Variants in MADD observed in about 807,000 individuals in gnomAD.
The protein encoded by MADD is MAP kinase-activating death domain protein.
MADD carries 109 observed loss-of-function variants against 176.7 expected under a neutral mutation model. The observed-to-expected ratio is 0.62, with a 90% CI of 0.53 to 0.72. The LOEUF (loss-of-function observed/expected upper bound fraction) is 0.72, where lower values mean the gene tolerates loss of function less well. Among genes scored for constraint, MADD ranks in the 30% least tolerant of loss-of-function variants. The pLI is 0.00. For missense variants in MADD, 1,914 were observed against 2,045.5 expected (o/e 0.94, Z 1.24); for synonymous variants, 771 against 771.3 (o/e 1.00, Z 0.01).
intron 20 of MADD, among the ~76,000 whole-genome samples, chr11:47,294,342 C>A (rs1167965044): frequency 7.2e-6 from 1 of 139,066 alleles, no homozygotes; most frequent in South Asian, 2.3e-4. Flanking sequence ...AGGTGAAACT[C>A]CATCTCAAAA....
chr11:47,278,659 C>T (rs2052995866), intron 6 of MADD, among the ~76,000 whole-genome samples: 1 of 151,932 alleles, frequency 6.6e-6, no homozygotes, highest in Admixed American at 6.6e-5. Flanking sequence ...ATTATATGAC[C>T]ATTCTGCAAT....
At chr11:47,299,870 G>T (rs1454571976) in intron 22 of MADD, among the ~76,000 whole-genome samples, 1 of 152,078 alleles carries the variant, frequency 6.6e-6, no homozygotes, top group African/African-American at 2.4e-5. Context: ...GTCCAAGTTG[G>T]ATGCCCTTTA....
chr11:47,290,343 C>T (rs754253220), intron 18 of MADD, 44 bp downstream of exon 19: 20 of 1,597,264 alleles, frequency 1.3e-5, no homozygotes, highest in Admixed American at 3.4e-5. Context: ...CCTAACTCTG[C>T]CACTTGTCTC....
At chr11:47,294,669 C>CAAAA (rs58253961) in intron 20 of MADD, among the ~76,000 whole-genome samples, 1 of 56,010 alleles carries the variant, frequency 1.8e-5, no homozygotes, top group Middle Eastern at 0.011. Flanking sequence ...GACTCCGTCT[C>CAAAA]AAAAAAAAAA....
chr11:47,290,146 C>CA lies in MADD; in HGVS notation c.2944-2dup. 1 of 1,613,852 alleles carries CA rather than the reference C, an allele frequency of 6.2e-7. No homozygotes were observed. The highest frequency in any genetic ancestry group is 2.2e-5 in the East Asian group (1 of 44,860). ...AACGCTAGCCCCTGGGTTATTGTTG[C>CA]AGGAGATCAGTCGGAAGGTGTACAA... On this transcript the variant is annotated splice_region_variant and splice_polypyrimidine_tract_variant and intron_variant, in intron 17 of 32. Transcript: ENST00000402192.
rs986593369 is a variant in MADD at position 47,299,654 on chromosome 11, C to T, written c.3642+3599C>T. Among the ~76,000 whole-genome samples, 14 of 140,950 alleles carry T rather than the reference C, an allele frequency of 9.9e-5. 1 individual carries two copies. The highest frequency in any genetic ancestry group is 3.3e-4 in the African/African-American group (12 of 36,772). The allele number at this position is 140,950 out of a possible 152,430, so 92.5% of individuals were successfully genotyped here. A position where few individuals can be genotyped will look rare whatever the true frequency, so the allele number is the denominator to read the frequency against. The stretch of plus-strand genomic sequence containing the variant: ...AAGCAGTCCTTCCATCTCAGTCTCC[C>T]GAGTAGCTGGGACTGTAGGCATGCA... On this transcript the variant is annotated intron_variant, in intron 22 of 32. Transcript: ENST00000402192.
chr11:47,316,766 CAG>C (rs2093171082), intron 27 of MADD, among the ~76,000 whole-genome samples: 1 of 151,790 alleles, frequency 6.6e-6, no homozygotes, highest in South Asian at 2.1e-4. Flanking sequence ...TTCTTTGAGA[CAG>C]AGTGTTGCTC....
At chr11:47,326,174 C>T (rs188590283) in intron 30 of MADD, among the ~76,000 whole-genome samples, 1 of 152,306 alleles carries the variant, frequency 6.6e-6, no homozygotes, top group African/African-American at 2.4e-5. Context: ...GTAGTAGGTG[C>T]AGAGATTAGA....
exon 16 of MADD, chr11:47,289,473 G>A (rs761790891): frequency 1.9e-6 from 3 of 1,614,160 alleles, no homozygotes; most frequent in Admixed American, 1.7e-5. Flanking sequence ...CATCACCCCA[G>A]GGTCGATCCA....
At chr11:47,278,490 T>G (rs2052733483) in intron 6 of MADD, among the ~76,000 whole-genome samples, 3 of 152,110 alleles carry the variant, frequency 2.0e-5, no homozygotes, top group African/African-American at 7.2e-5. Flanking sequence ...ATTACAGGAT[T>G]TATTTTTGCC....
At chr11:47,304,299 C>T (rs2080724098) in intron 22 of MADD, among the ~76,000 whole-genome samples, 1 of 151,148 alleles carries the variant, frequency 6.6e-6, no homozygotes, top group African/African-American at 2.4e-5. Flanking sequence ...GGCACTATCT[C>T]GGCTCACCGC....
chr11:47,325,865 C>T lies in MADD; in HGVS notation c.4543-873C>T, dbSNP rs577943393. 1.7e-3 allele frequency among the ~76,000 whole-genome samples: 258 copies of T among 152,334 alleles called. No individual in the cohort carries two copies. Among genetic ancestry groups the T allele is most frequent in the African/African-American group, 6.1e-3 (255 of 41,572 alleles). The stretch of plus-strand genomic sequence containing the variant: ...AGCCAGTCTGTGGTTGAAGGCTTGG[C>T]CCCTAGAAGATAGACTGCAGAGAAG... On this transcript the variant is annotated intron_variant, in intron 30 of 32. Transcript: ENST00000402192. The surrounding 1 kb of genome is among the most constrained non-coding windows in gnomAD (Gnocchi z 4.5).
intron 22 of MADD, among the ~76,000 whole-genome samples, chr11:47,298,752 C>G (rs752920392): frequency 3.4e-4 from 52 of 152,086 alleles, no homozygotes; most frequent in Non-Finnish European, 6.9e-4. Context: ...ACTTTTTGCC[C>G]AGACCAATGT....
intron 1 of MADD, chr11:47,271,970 G>A (rs933354249): frequency 6.6e-6 from 1 of 152,160 alleles, no homozygotes; most frequent in Non-Finnish European, 1.5e-5. Flanking sequence ...ACCTAGAAAT[G>A]AATATATGGC....
chr11:47,321,499 C>T (rs763460672), intron 27 of MADD, among the ~76,000 whole-genome samples: 5 of 152,106 alleles, frequency 3.3e-5, no homozygotes, highest in Admixed American at 1.3e-4. Flanking sequence ...ATAAGACAGA[C>T]GTGATTTCTA....
chr11:47,326,951 G>GA, intron 31 of MADD, 144 bp downstream of exon 35: 1 of 1,441,944 alleles, frequency 6.9e-7, no homozygotes, highest in East Asian at 2.4e-5. Context: ...GAAGAAAAGG[G>GA]ACCCCTGAGA....
At chr11:47,297,076 T>C (rs2073079091) in intron 22 of MADD, among the ~76,000 whole-genome samples, 1 of 152,222 alleles carries the variant, frequency 6.6e-6, no homozygotes, top group Non-Finnish European at 1.5e-5. Flanking sequence ...CTTTTTAATG[T>C]GTATGTGCCT....
At chr11:47,274,126 AAAC>A (rs2047566060) in intron 2 of MADD, 150 bp downstream of exon 2, 2 of 711,344 alleles carry the variant, frequency 2.8e-6, no homozygotes, top group African/African-American at 3.6e-5. Context: ...AGTAGGGAAA[AAAC>A]AAAATCAGGT....
At position 47,292,542 on chromosome 11, in the gene MADD, G is replaced by C; in HGVS notation, c.3302-1341G>C. 1 of 1,613,912 alleles carries C rather than the reference G, an allele frequency of 6.2e-7. No homozygotes were observed. Among genetic ancestry groups the C allele is most frequent in the Non-Finnish European group, 8.5e-7 (1 of 1,179,954 alleles). The stretch of plus-strand genomic sequence containing the variant: ...TCCTGCTTGCATTGCATCTGGGGTA[G>C]AATTGTGGAACAAGCACCAGGAAGT... On this transcript the variant is annotated intron_variant, in intron 19 of 32. Transcript: ENST00000402192.
Sources: allele counts gnomAD v4.1 joint callset (sites outside exome capture counted in the v4.1 genomes callset), GRCh38; gene constraint gnomAD v4.1.1; non-coding constraint Gnocchi (gnomAD v3.1); transcripts MANE v1.5; gene names NCBI Gene and HGNC (gene_info 2026-07-23, HGNC 2026-07-21).